Variants in CDT1 observed in about 807,000 individuals in gnomAD.
CDT1 encodes the protein chromatin licensing and DNA replication factor 1.
CDT1 carries 66 observed loss-of-function variants against 49.3 expected under a neutral mutation model. The ratio of observed to expected loss-of-function variants is 1.34; its 90% CI spans 1.10 to 1.64. The LOEUF is 1.64. Ranked by LOEUF, CDT1 falls within the 40% of genes most tolerant of loss-of-function variation. The pLI, the probability that CDT1 is intolerant of heterozygous loss-of-function variation, is 0.00. For missense variants in CDT1, 958 were observed against 807.7 expected, an observed-to-expected ratio of 1.19 and a Z score of -2.26; for synonymous variants, 424 against 347.4, an observed-to-expected ratio of 1.22 and a Z score of -2.45.
chr16:88,805,902 A>G (rs769440099), intron 5 of CDT1, 33 bp downstream of exon 5: 16 of 1,610,202 alleles, frequency 9.9e-6, no homozygotes, highest in Non-Finnish European at 1.2e-5. Context: ...CGGTTTCCCC[A>G]TCTGTGAGCC....
At position 88,808,586 on chromosome 16, in the gene CDT1, G is replaced by A. The variant is rs1422310039; in HGVS notation, c.*308G>A. 4.4e-6 allele frequency: 2 copies of A among 453,092 alleles called. No individual in the cohort carries two copies. Among genetic ancestry groups the A allele is most frequent in the Middle Eastern group, 6.0e-4 (1 of 1,666 alleles). 28.1% of individuals were successfully genotyped at this position (453,092 alleles called of 1,614,324 possible). A position where few individuals can be genotyped will look rare whatever the true frequency, so the allele number is the denominator to read the frequency against. ...GGGGGGCCATCGGGAGTGTGGCTGG[G>A]GGTGAAGGGGGCTCTGTGGCAATAT... On this transcript the variant is annotated 3_prime_UTR_variant, in exon 10 of 10. Transcript: ENST00000301019.
Position 88,806,613 on chromosome 16 carries a change from CGGA to C in CDT1, c.1063_1065del (p.Glu355del). The C allele has an allele frequency of 6.2e-7, 1 of 1,611,634 alleles. No homozygotes were observed. Among genetic ancestry groups the C allele is most frequent in the East Asian group, 2.2e-5 (1 of 44,862 alleles). ...GCCGCGCTGCCCCAGCCACCCGCCACGGAGAAGCTCACCACTGCTCAGGAGGTG... is the reference window on the plus strand; with the variant it reads ...GCCGCGCTGCCCCAGCCACCCGCCACGAAGCTCACCACTGCTCAGGAGGTG... On this transcript the variant is annotated inframe_deletion, in exon 7 of 10. Coordinates refer to ENST00000301019, the MANE Select transcript of CDT1 (RefSeq NM_030928.4).
Position 88,803,796 on chromosome 16 carries a change from C to A in CDT1, c.-36C>A, listed in dbSNP as rs765712837. 2 of 1,481,994 alleles carry A rather than the reference C, an allele frequency of 1.3e-6. No individual in the cohort carries two copies. Among genetic ancestry groups the A allele is most frequent in the Admixed American group, 1.8e-5 (1 of 54,452 alleles). 91.8% of individuals were successfully genotyped at this position (1,481,994 alleles called of 1,614,324 possible). ...AACCGCGCCCGCCTCTTCCTCCCTTCCTTCTTTCCTTGCTTTCGCCGCGCA... is the reference window on the plus strand; with the variant it reads ...AACCGCGCCCGCCTCTTCCTCCCTTACTTCTTTCCTTGCTTTCGCCGCGCA... On this transcript the variant is annotated 5_prime_UTR_variant, in exon 1 of 10. Transcript: ENST00000301019.
rs112876071 is a variant in CDT1 at position 88,808,408 on chromosome 16, T to G, written c.*130T>G. On this transcript the variant is annotated 3_prime_UTR_variant, in exon 10 of 10. Coordinates refer to ENST00000301019, the MANE Select transcript of CDT1 (RefSeq NM_030928.4). ...AGCGCCCCTGAGGGCCAGAGGCAGA[T>G]GTGGGCTGCAGGCTGCACAGCCCGA... is the stretch of plus-strand genomic sequence containing the variant. 2.3e-3 allele frequency: 2,550 copies of G among 1,123,826 alleles called. 30 individuals carry two copies. In the African/African-American group the frequency reaches 0.026, roughly 11 times the overall value. 69.6% of individuals were successfully genotyped at this position (1,123,826 alleles called of 1,614,324 possible). A position where few individuals can be genotyped will look rare whatever the true frequency, so the allele number is the denominator to read the frequency against.
chr16:88,805,640 G>A lies in CDT1; in HGVS notation c.686+3G>A. ...GGCGTCCAGGACATGATGCGTAGGT[G>A]AGTGGCCGGGGGTGGGCTGTGGCTG... On this transcript the variant is annotated splice_donor_region_variant and intron_variant, in intron 4 of 9. Transcript: ENST00000301019. 6.2e-7 allele frequency: 1 copy of A among 1,612,648 alleles called. No homozygotes were observed. The highest frequency in any genetic ancestry group is 8.5e-7 in the Non-Finnish European group (1 of 1,179,964).
Position 88,804,570 on chromosome 16 carries a change from C to T in CDT1, c.254C>T (p.Ala85Val), listed in dbSNP as rs759622950. 11 of 1,612,852 alleles carry T rather than the reference C, an allele frequency of 6.8e-6. No individual in the cohort carries two copies. Among genetic ancestry groups the T allele is most frequent in the South Asian group, 2.2e-5 (2 of 91,040 alleles). ...GTTTCCAGCCCCAGTACCCCCGAGG[C>T]CCCAGACATCCCAGCCTGCCCTTCT... ...DEVSSPSTPE[A>V]PDIPACPSPG... is the part of the protein sequence containing the mutation. The change falls in exon 2 of 10, where the codon GCC becomes GTC. Residue 85 changes from alanine to valine, a missense_variant. Coordinates refer to ENST00000301019, the MANE Select transcript of CDT1 (RefSeq NM_030928.4).
At position 88,804,015 on chromosome 16, in the gene CDT1, G is replaced by T; in HGVS notation, c.184G>T (p.Ala62Ser). 2 of 1,464,522 alleles carry T rather than the reference G, an allele frequency of 1.4e-6. No homozygotes were observed. The highest frequency in any genetic ancestry group is 1.8e-6 in the Non-Finnish European group (2 of 1,114,984). 90.7% of individuals were successfully genotyped at this position (1,464,522 alleles called of 1,614,324 possible). A position where few individuals can be genotyped will look rare whatever the true frequency, so the allele number is the denominator to read the frequency against. Residue 62 changes from alanine to serine, a missense_variant, in exon 1 of 10, where the codon GCC (alanine) becomes TCC (serine). Coordinates refer to ENST00000301019, the MANE Select transcript of CDT1 (RefSeq NM_030928.4). ...GCCCGCCGCCCCCGGACGCGACCAG[G>T]CCAGGCCACCGGCCCGCAGGAGACT... is the stretch of plus-strand genomic sequence containing the variant. ...RPPAAPGRDQARPPARRRLRL... is the reference protein window; with the variant it reads ...RPPAAPGRDQSRPPARRRLRL...
Position 88,808,489 on chromosome 16 carries a change from A to G in CDT1, c.*211A>G. ...CATGGGGCTCACCTGGTGGATTCACATTAAACCGGTTTCTGTGGGCACCTC... is the reference window on the plus strand; with the variant it reads ...CATGGGGCTCACCTGGTGGATTCACGTTAAACCGGTTTCTGTGGGCACCTC... On this transcript the variant is annotated 3_prime_UTR_variant, in exon 10 of 10. Coordinates refer to ENST00000301019, the MANE Select transcript of CDT1 (RefSeq NM_030928.4). 1.7e-6 allele frequency: 1 copy of G among 604,380 alleles called. No homozygotes were observed. Among genetic ancestry groups the G allele is most frequent in the Non-Finnish European group, 2.9e-6 (1 of 345,414 alleles). 37.4% of individuals were successfully genotyped at this position (604,380 alleles called of 1,614,324 possible). A position where few individuals can be genotyped will look rare whatever the true frequency, so the allele number is the denominator to read the frequency against.
chr16:88,807,367 G>A lies in CDT1; in HGVS notation c.1362G>A (p.Leu454=). 1 of 1,612,630 alleles carries A rather than the reference G, an allele frequency of 6.2e-7. No individual in the cohort carries two copies. Among genetic ancestry groups the A allele is most frequent in the Non-Finnish European group, 8.5e-7 (1 of 1,179,952 alleles). Residue 454 remains leucine (L), a synonymous_variant, in exon 9 of 10, where the codon CTG becomes CTA. Transcript: ENST00000301019. ...AGCGGCTGCAGCGCTTAGAACGGCT[G>A]CCTGAGCTGGCCCGCGTGCTGCGGA... ...QEQRLQRLER[L]PELARVLRSV... is the part of the protein sequence containing the mutation.
chr16:88,805,348 C>T, intron 3 of CDT1, 92 bp from the exon 4 acceptor site: 3 of 1,447,548 alleles, frequency 2.1e-6, no homozygotes, highest in African/African-American at 1.4e-5. Flanking sequence ...ATGGCAGGCC[C>T]CATCGGAGGG....
Position 88,807,083 on chromosome 16 carries a change from C to A in CDT1, c.1155C>A (p.Arg385=). Residue 385 remains arginine, a synonymous_variant, in exon 8 of 10, where the codon CGC becomes CGA. Transcript: ENST00000301019. ...AGGCCTTGAGTCAATTGGCCCTGCG[C>A]TCTGCTGCGCCCAGCAGCCCCGGGT... ...MEKALSQLAL[R]SAAPSSPGSP... 6.2e-7 allele frequency: 1 copy of A among 1,612,900 alleles called. No homozygotes were observed. The highest frequency in any genetic ancestry group is 8.5e-7 in the Non-Finnish European group (1 of 1,179,978).
At position 88,807,345 on chromosome 16, in the gene CDT1, G is replaced by A. The variant is rs1442250152; in HGVS notation, c.1340G>A (p.Arg447Gln). 13 of 1,612,478 alleles carry A rather than the reference G, an allele frequency of 8.1e-6. No individual in the cohort carries two copies. Among genetic ancestry groups the A allele is most frequent in the African/African-American group, 1.3e-5 (1 of 74,946 alleles). ...QMTRCPEQEQ[R>Q]LQRLERLPEL... ...ACGCGGTGCCCGGAGCAGGAGCAGC[G>A]GCTGCAGCGCTTAGAACGGCTGCCT... The change falls in exon 9 of 10, where the codon CGG (arginine) becomes CAG (glutamine). Residue 447 changes from arginine to glutamine, a missense_variant. By Grantham distance (43) the Arg-to-Gln change is conservative. Coordinates refer to ENST00000301019, the MANE Select transcript of CDT1 (RefSeq NM_030928.4).
intron 3 of CDT1, among the ~76,000 whole-genome samples, 199 bp from the exon 4 acceptor site, chr16:88,805,241 C>T (rs1387777878): frequency 6.6e-6 from 1 of 152,246 alleles, no homozygotes; most frequent in Non-Finnish European, 1.5e-5. Context: ...CACAGCAGAG[C>T]TGGGGTGTGG....
chr16:88,806,741 A>C (rs1431635069), intron 7 of CDT1, 67 bp downstream of exon 7: 1 of 1,527,934 alleles, frequency 6.5e-7, no homozygotes, highest in Non-Finnish European at 8.9e-7. Flanking sequence ...CCCAGGCTTA[A>C]GAGGTGGAAG....
chr16:88,808,123 G>C lies in CDT1; in HGVS notation c.1486G>C (p.Glu496Gln). Residue 496 changes from glutamate to glutamine, a missense_variant, in exon 10 of 10, where the codon GAG becomes CAG. Coordinates refer to ENST00000301019, the MANE Select transcript of CDT1 (RefSeq NM_030928.4). ...CTCCTCTCCTCCCCCAGGGGAAATG[G>C]AGAAGCACCTGCTGCTCCTCTCCGA... is the stretch of plus-strand genomic sequence containing the variant. ...CCTIMSPGEM[E>Q]KHLLLLSELL... 6.2e-7 allele frequency: 1 copy of C among 1,612,574 alleles called. No homozygotes were observed. Among genetic ancestry groups the C allele is most frequent in the Non-Finnish European group, 8.5e-7 (1 of 1,179,860 alleles).
intron 1 of CDT1, 121 bp from the exon 2 acceptor site, chr16:88,804,424 A>G: frequency 7.7e-7 from 1 of 1,300,646 alleles, no homozygotes; most frequent in Admixed American, 2.1e-5. Context: ...GGGAAGTCCT[A>G]AGCCCCCCAG....
rs765420165 is a variant in CDT1 at position 88,804,572 on chromosome 16, C to A, written c.256C>A (p.Pro86Thr). ...TTCCAGCCCCAGTACCCCCGAGGCC[C>A]CAGACATCCCAGCCTGCCCTTCTCC... ...EVSSPSTPEA[P>T]DIPACPSPGQ... The change falls in exon 2 of 10, where the codon CCA becomes ACA. Residue 86 changes from proline (P) to threonine (T), a missense_variant. Physicochemically the swap from Pro to Thr is conservative, Grantham distance 38. Coordinates refer to ENST00000301019, the MANE Select transcript of CDT1 (RefSeq NM_030928.4). 2.4e-5 allele frequency: 38 copies of A among 1,612,918 alleles called. 1 individual carries two copies. In the South Asian group the frequency reaches 4.1e-4, roughly 17 times the overall value.
Position 88,803,897 on chromosome 16 carries a change from G to T in CDT1, c.66G>T (p.Pro22=), listed in dbSNP as rs760257219. 6 of 1,425,490 alleles carry T rather than the reference G, an allele frequency of 4.2e-6. No homozygotes were observed. In the South Asian group the frequency reaches 5.2e-5, roughly 12 times the overall value. The allele number at this position is 1,425,490 out of a possible 1,614,324, so 88.3% of individuals were successfully genotyped here. A position where few individuals can be genotyped will look rare whatever the true frequency, so the allele number is the denominator to read the frequency against. The change falls in exon 1 of 10, where the codon CCG becomes CCT. Residue 22 remains proline, a synonymous_variant. Transcript: ENST00000301019. ...RRRPGPPRIA[P]PKLACRTPSP... ...GCCCCGGGCCCCCCCGCATCGCGCC[G>T]CCCAAGCTGGCCTGCCGCACCCCCA...
chr16:88,807,507 G>T (rs1158467374), intron 9 of CDT1, 25 bp downstream of exon 9: 7 of 1,605,478 alleles, frequency 4.4e-6, no homozygotes, highest in Non-Finnish European at 5.1e-6. Flanking sequence ...GGGTGAAGGG[G>T]CGTGCAGGGT....
Sources: gnomAD v4.1 joint callset for allele counts (sites outside exome capture counted in the v4.1 genomes callset) on GRCh38, gnomAD v4.1.1 for gene constraint, MANE v1.5 for transcripts, NCBI Gene and HGNC (gene_info 2026-07-23, HGNC 2026-07-21) for gene names.